The following DNAJC3 variants were observed in gnomAD, a reference collection of about 807,000 sequenced individuals.
The protein encoded by DNAJC3 is dnaJ homolog subfamily C member 3.
In DNAJC3, 38 loss-of-function variants were observed where a neutral mutation model predicts 68.6. The ratio of observed to expected loss-of-function variants is 0.55; its 90% CI spans 0.43 to 0.73. DNAJC3 has a LOEUF of 0.73. Ranked by LOEUF, DNAJC3 falls within the 30% of genes least tolerant of loss-of-function variation. The pLI is 0.00. For synonymous variants in DNAJC3, 203 were observed against 204.0 expected, an observed-to-expected ratio of 1.00 and a Z score of 0.04; for missense variants, 526 against 591.9, an observed-to-expected ratio of 0.89 and a Z score of 1.16.
intron 9 of DNAJC3, among the ~76,000 whole-genome samples, chr13:95,775,686 C>T (rs1232790613): frequency 6.6e-6 from 1 of 152,028 alleles, no homozygotes; most frequent in Non-Finnish European, 1.5e-5. Context: ...GAAATGAAAG[C>T]CATTTAGTAG....
chr13:95,735,081 T>C (rs1881861556), intron 4 of DNAJC3, among the ~76,000 whole-genome samples: 1 of 151,290 alleles, frequency 6.6e-6, no homozygotes, highest in African/African-American at 2.4e-5. Context: ...TTTTGTTTTT[T>C]GTTCTTGCGA....
chr13:95,711,209 C>T (rs943269171), intron 2 of DNAJC3, among the ~76,000 whole-genome samples: 2 of 152,158 alleles, frequency 1.3e-5, no homozygotes, highest in Non-Finnish European at 2.9e-5. Context: ...TGAAAAAACT[C>T]TATTCAAGGC....
At chr13:95,757,533 C>A (rs1882698311) in intron 4 of DNAJC3, 111 bp from the exon 5 acceptor site, 2 of 1,142,956 alleles carry the variant, frequency 1.7e-6, no homozygotes, top group African/African-American at 1.5e-5. Flanking sequence ...TATCTCTTTA[C>A]CCTTTTTACC....
At chr13:95,777,161 C>T (rs147174609) in intron 9 of DNAJC3, among the ~76,000 whole-genome samples, 464 of 152,202 alleles carry the variant, frequency 3.0e-3, no homozygotes, top group African/African-American at 0.01. Flanking sequence ...TGAATGATAG[C>T]GTGGCTGGAT....
intron 9 of DNAJC3, among the ~76,000 whole-genome samples, chr13:95,766,651 A>G (rs1883000969): frequency 6.6e-6 from 1 of 151,960 alleles, no homozygotes; most frequent in Admixed American, 6.6e-5. Context: ...AGAGTATGGA[A>G]TTTAGAATTA....
chr13:95,725,224 A>G lies in DNAJC3; in HGVS notation c.365A>G (p.Asp122Gly), dbSNP rs374033559. 122 of 1,596,068 alleles carry G rather than the reference A, an allele frequency of 7.6e-5. No homozygotes were observed. Among genetic ancestry groups the G allele is most frequent in the Non-Finnish European group, 9.6e-5 (113 of 1,173,870 alleles). ...TTATTACTCAAACAAGGAAAACTTG[A>G]TGAAGCAGAAGATGATTTTAAAAAA... ...GHLLLKQGKLDEAEDDFKKVL... is the reference protein window; with the variant it reads ...GHLLLKQGKLGEAEDDFKKVL... The change falls in exon 4 of 12, where the codon GAT becomes GGT. Residue 122 changes from aspartate (D) to glycine (G), a missense_variant. Asp to Gly is a moderately conservative substitution (Grantham distance 94, BLOSUM62 -1). Transcript: ENST00000602402.
At chr13:95,765,261 A>G (rs547333027) in intron 9 of DNAJC3, among the ~76,000 whole-genome samples, 3 of 152,156 alleles carry the variant, frequency 2.0e-5, no homozygotes, top group Admixed American at 6.5e-5. Context: ...TACCGTGTCT[A>G]CTCGGTGAGA....
chr13:95,695,419 A>T (rs1880409296), intron 1 of DNAJC3: 1 of 152,228 alleles, frequency 6.6e-6, no homozygotes, highest in Admixed American at 6.5e-5. Context: ...CTTACGATCC[A>T]TCCCTAATAA....
intron 4 of DNAJC3, among the ~76,000 whole-genome samples, chr13:95,738,170 G>T (rs977433523): frequency 1.4e-5 from 2 of 147,836 alleles, no homozygotes; most frequent in African/African-American, 5.0e-5. Context: ...TAGTTTGATT[G>T]CACTGTGGTC....
chr13:95,755,380 G>A (rs894113239), intron 4 of DNAJC3, among the ~76,000 whole-genome samples: 1 of 151,944 alleles, frequency 6.6e-6, no homozygotes. Flanking sequence ...GAACTGAGGA[G>A]CTGGAGATTG....
At chr13:95,691,537 G>A (rs573078910) in intron 1 of DNAJC3, among the ~76,000 whole-genome samples, 47 of 151,918 alleles carry the variant, frequency 3.1e-4, no homozygotes, top group Middle Eastern at 3.4e-3. Context: ...TAGATGGGAT[G>A]GCGGCCGGGC....
intron 1 of DNAJC3, among the ~76,000 whole-genome samples, chr13:95,697,643 G>A (rs1241931502): frequency 1.3e-5 from 2 of 151,760 alleles, no homozygotes; most frequent in Admixed American, 6.6e-5. Context: ...CCTTCACAAT[G>A]CCTGTAAGTT....
At chr13:95,680,018 T>G (rs1290091411) in intron 1 of DNAJC3, among the ~76,000 whole-genome samples, 1 of 152,200 alleles carries the variant, frequency 6.6e-6, no homozygotes, top group African/African-American at 2.4e-5. Context: ...TTGAGTCTTT[T>G]GGCACCCTCC....
intron 1 of DNAJC3, among the ~76,000 whole-genome samples, chr13:95,701,731 C>T (rs1880591233): frequency 6.6e-6 from 1 of 152,172 alleles, no homozygotes; most frequent in Admixed American, 6.5e-5. Flanking sequence ...CTATACCAGC[C>T]ACTAGTTATT....
In DNAJC3 at chr13:95,706,470, T is replaced by C. The variant is rs554870239; in HGVS notation, c.83-2757T>C. ...GGGATTGTGCTAGTTTATCAGCAGA[T>C]CTTTTAGTGTGTTCAGCTACTTCCT... On this transcript the variant is annotated intron_variant, in intron 1 of 11. Coordinates refer to ENST00000602402, the MANE Select transcript of DNAJC3 (RefSeq NM_006260.5). 2.0e-5 allele frequency among the ~76,000 whole-genome samples: 3 copies of C among 152,334 alleles called. No homozygotes were observed. The South Asian group carries it at 6.2e-4, about 32-fold the overall frequency.
At chr13:95,769,190 G>C (rs1294853565) in intron 9 of DNAJC3, among the ~76,000 whole-genome samples, 1 of 152,180 alleles carries the variant, frequency 6.6e-6, no homozygotes, top group Non-Finnish European at 1.5e-5. Flanking sequence ...AAAGGAGTCT[G>C]AATAGTGGAA....
chr13:95,725,781 G>A (rs1048693755), intron 4 of DNAJC3, among the ~76,000 whole-genome samples: 7 of 148,460 alleles, frequency 4.7e-5, no homozygotes, highest in Admixed American at 6.7e-5. Flanking sequence ...CCATTAACTC[G>A]TCATTTAGCA....
rs987069123 is a variant in DNAJC3 at position 95,737,297 on chromosome 13, C to G, written c.393+12045C>G. ...CTAAAATTCTCTTTTTTTGTTGTGT[C>G]CCTGCCTGGCTTTGGTATCAGAATG... On this transcript the variant is annotated intron_variant, in intron 4 of 11. Transcript: ENST00000602402. 5.3e-5 allele frequency among the ~76,000 whole-genome samples: 8 copies of G among 152,172 alleles called. No homozygotes were observed. In the South Asian group the frequency reaches 1.2e-3, roughly 24 times the overall value.
In DNAJC3 at chr13:95,734,179, A is replaced by T. The variant is rs189373131; in HGVS notation, c.393+8927A>T. On this transcript the variant is annotated intron_variant, in intron 4 of 11. Coordinates refer to ENST00000602402, the MANE Select transcript of DNAJC3 (RefSeq NM_006260.5). ...ATGACAGTAGATATTGTCCTTTTGC[A>T]TCTAGGTTTAGGACTCCCTTAAGCA... Among the ~76,000 whole-genome samples, 193 of 152,240 alleles carry T rather than the reference A, an allele frequency of 1.3e-3. 2 individuals carry two copies. Among genetic ancestry groups the T allele is most frequent in the Middle Eastern group, 6.8e-3 (2 of 294 alleles).
Sources: gnomAD v4.1 joint callset for allele counts (sites outside exome capture counted in the v4.1 genomes callset) on GRCh38, gnomAD v4.1.1 for gene constraint, MANE v1.5 for transcripts, NCBI Gene and HGNC (gene_info 2026-07-23, HGNC 2026-07-21) for gene names.